The following PAQR8 variants were observed in gnomAD, a reference collection of about 807,000 sequenced individuals.
PAQR8 encodes the protein membrane progestin receptor beta.
A neutral mutation model predicts 25.2 loss-of-function variants in PAQR8; 17 were observed. The observed-to-expected ratio is 0.67, with a 90% CI of 0.46 to 1.01. The LOEUF is 1.01. PAQR8 is among the 50% of genes least tolerant of loss of function. The probability of loss-of-function intolerance (pLI) is 0.00; values close to 1 mark genes in which losing one functional copy is unlikely to be tolerated. For missense variants in PAQR8, 392 were observed against 448.4 expected (o/e 0.87, Z 1.14); for synonymous variants, 204 against 190.6 (o/e 1.07, Z -0.58).
intron 1 of PAQR8, among the ~76,000 whole-genome samples, chr6:52,367,014 G>T (rs777231785): frequency 5.3e-5 from 8 of 152,178 alleles, no homozygotes; most frequent in Non-Finnish European, 8.8e-5. Flanking sequence ...AAAGTGCTGG[G>T]ATTACAGGCG....
chr6:52,370,288 ATGT>A (rs1290473213), intron 1 of PAQR8, among the ~76,000 whole-genome samples: 1 of 152,076 alleles, frequency 6.6e-6, no homozygotes. Context: ...AAGGCAATAG[ATGT>A]TGTTGGGGCA....
At chr6:52,397,793 A>C (rs1180391577) in intron 1 of PAQR8, among the ~76,000 whole-genome samples, 2 of 152,222 alleles carry the variant, frequency 1.3e-5, no homozygotes, top group Non-Finnish European at 2.9e-5. Flanking sequence ...CAGGTTAGGT[A>C]GGAGGGTGTG....
Position 52,405,254 on chromosome 6 carries a change from A to AT in PAQR8, c.*976_*977insT, listed in dbSNP as rs2113954589. ...GTTGGTTCTAAGGATCCCTCTAGGG[A>AT]CCTCATTATTTCAAGAGGAACCCAA... is the stretch of plus-strand genomic sequence containing the variant. On this transcript the variant is annotated 3_prime_UTR_variant, in exon 2 of 2. Coordinates refer to ENST00000442253, the MANE Select transcript of PAQR8 (RefSeq NM_133367.5). 1 of 167,106 alleles carries AT rather than the reference A, an allele frequency of 6.0e-6. No individual in the cohort carries two copies. The highest frequency in any genetic ancestry group is 2.1e-4 in the South Asian group (1 of 4,818). 10.4% of individuals were successfully genotyped at this position (167,106 alleles called of 1,614,324 possible). A position where few individuals can be genotyped will look rare whatever the true frequency, so the allele number is the denominator to read the frequency against.
intron 1 of PAQR8, among the ~76,000 whole-genome samples, chr6:52,364,083 G>GTTTTTGTTTTTTT (rs1763322497): frequency 1.2e-5 from 1 of 84,266 alleles, no homozygotes; most frequent in Non-Finnish European, 2.2e-5. Flanking sequence ...TGAAAGATAT[G>GTTTTTGTTTTTTT]TTTTTTTTTT....
intron 1 of PAQR8, among the ~76,000 whole-genome samples, chr6:52,373,337 A>G (rs1224435352): frequency 6.6e-6 from 1 of 152,234 alleles, no homozygotes. Context: ...ATCCACAATG[A>G]AAAGGACTTA....
At chr6:52,368,392 A>C (rs913635426) in intron 1 of PAQR8, among the ~76,000 whole-genome samples, 7 of 152,198 alleles carry the variant, frequency 4.6e-5, no homozygotes, top group Non-Finnish European at 8.8e-5. Context: ...TTGCGAGTCA[A>C]GGTGAGTAGC....
In PAQR8 at chr6:52,406,281, T is replaced by C. The variant is rs1052369691; in HGVS notation, c.*2003T>C. 3.9e-5 allele frequency: 16 copies of C among 405,246 alleles called. No homozygotes were observed. Among genetic ancestry groups the C allele is most frequent in the Non-Finnish European group, 5.9e-5 (13 of 221,462 alleles). The allele number at this position is 405,246 out of a possible 1,614,324, so 25.1% of individuals were successfully genotyped here. Reference sequence around the variant, plus strand: ...GGATTCAAAGACTTATTTTGAAAGTTGGAAGGAGAAGGGAGGGAAGAGAGC... The same window carrying C: ...GGATTCAAAGACTTATTTTGAAAGTCGGAAGGAGAAGGGAGGGAAGAGAGC... On this transcript the variant is annotated 3_prime_UTR_variant, in exon 2 of 2. Coordinates refer to ENST00000442253, the MANE Select transcript of PAQR8 (RefSeq NM_133367.5).
At chr6:52,365,838 AT>A (rs199759325) in intron 1 of PAQR8, among the ~76,000 whole-genome samples, 5 of 150,190 alleles carry the variant, frequency 3.3e-5, no homozygotes, top group Non-Finnish European at 4.5e-5. Flanking sequence ...TTGAATTCAG[AT>A]TTTTTTTTTA....
Position 52,404,114 on chromosome 6 carries a change from C to G in PAQR8, c.901C>G (p.Leu301Val). The G allele has an allele frequency of 6.2e-7, 1 of 1,614,246 alleles. No individual in the cohort carries two copies. Among genetic ancestry groups the G allele is most frequent in the Non-Finnish European group, 8.5e-7 (1 of 1,180,032 alleles). Residue 301 changes from leucine to valine, a missense_variant, in exon 2 of 2, where the codon CTC (leucine) becomes GTC (valine). Leu to Val is a conservative substitution (Grantham distance 32, BLOSUM62 1). Coordinates refer to ENST00000442253, the MANE Select transcript of PAQR8 (RefSeq NM_133367.5). ...ICTLSQLEAI[L>V]LDYQGRQEIF... Reference sequence around the variant, plus strand: ...TACGCTCTCCCAGCTGGAGGCCATCCTCCTGGACTACCAGGGGCGGCAGGA... The same window carrying G: ...TACGCTCTCCCAGCTGGAGGCCATCGTCCTGGACTACCAGGGGCGGCAGGA...
At chr6:52,363,407 T>C (rs1763313715) in intron 1 of PAQR8, among the ~76,000 whole-genome samples, 2 of 152,204 alleles carry the variant, frequency 1.3e-5, no homozygotes, top group South Asian at 2.1e-4. Context: ...AAATTAGTTA[T>C]GGAGTGAGAT....
At chr6:52,384,036 T>C (rs907330729) in intron 1 of PAQR8, among the ~76,000 whole-genome samples, 16 of 152,170 alleles carry the variant, frequency 1.1e-4, no homozygotes, top group Non-Finnish European at 2.1e-4. Flanking sequence ...GGACAGGTTT[T>C]GCATTTGCTG....
rs114674566 is a variant in PAQR8 at position 52,386,144 on chromosome 6, G to A, written c.-52-17018G>A. ...GAAATGCAAATCAAAACTACAACCAGATACTATCTCACACCAGTCAGAATG... is the reference window on the plus strand; with the variant it reads ...GAAATGCAAATCAAAACTACAACCAAATACTATCTCACACCAGTCAGAATG... On this transcript the variant is annotated intron_variant, in intron 1 of 1. Coordinates refer to ENST00000442253, the MANE Select transcript of PAQR8 (RefSeq NM_133367.5). Among the ~76,000 whole-genome samples the A allele has an allele frequency of 6.6e-3, 998 of 151,926 alleles. 3 individuals carry two copies. Among genetic ancestry groups the A allele is most frequent in the Non-Finnish European group, 9.6e-3 (654 of 67,996 alleles).
intron 1 of PAQR8, among the ~76,000 whole-genome samples, chr6:52,388,139 G>A (rs1763654204): frequency 6.6e-6 from 1 of 152,222 alleles, no homozygotes; most frequent in Admixed American, 6.5e-5. Flanking sequence ...GCCTTGGGAA[G>A]CCAAGGTGGG....
At position 52,365,532 on chromosome 6, in the gene PAQR8, T is replaced by G. The variant is rs1056330879; in HGVS notation, c.-53+3283T>G. 2.0e-5 allele frequency among the ~76,000 whole-genome samples: 3 copies of G among 152,334 alleles called. No homozygotes were observed. In the East Asian group the frequency reaches 5.8e-4, roughly 29 times the overall value. On this transcript the variant is annotated intron_variant, in intron 1 of 1. Coordinates refer to ENST00000442253, the MANE Select transcript of PAQR8 (RefSeq NM_133367.5). Reference sequence around the variant, plus strand: ...CTTGAGTTCGGTGCCGGACACATCATGAGTGCTCAACAGAGTCTACTTATT... The same window carrying G: ...CTTGAGTTCGGTGCCGGACACATCAGGAGTGCTCAACAGAGTCTACTTATT...
intron 1 of PAQR8, among the ~76,000 whole-genome samples, chr6:52,377,928 A>G (rs1763503676): frequency 6.6e-6 from 1 of 152,216 alleles, no homozygotes; most frequent in African/African-American, 2.4e-5. Flanking sequence ...ATACATTGGT[A>G]GAATGATTTC....
At chr6:52,365,507 C>CTT (rs969954021) in intron 1 of PAQR8, among the ~76,000 whole-genome samples, 16 of 152,084 alleles carry the variant, frequency 1.1e-4, no homozygotes, top group African/African-American at 3.9e-4. Context: ...GTGTAGAACA[C>CTT]TTGAGTTCGG....
chr6:52,407,516 A>G lies in PAQR8; in HGVS notation c.*3238A>G, dbSNP rs908408204. The G allele has an allele frequency of 6.0e-6, 1 of 166,976 alleles. No individual in the cohort carries two copies. The highest frequency in any genetic ancestry group is 1.5e-5 in the Non-Finnish European group (1 of 68,108). The allele number at this position is 166,976 out of a possible 1,614,324, so 10.3% of individuals were successfully genotyped here. A position where few individuals can be genotyped will look rare whatever the true frequency, so the allele number is the denominator to read the frequency against. On this transcript the variant is annotated 3_prime_UTR_variant, in exon 2 of 2. Transcript: ENST00000442253. ...GCCTGTGTTGCCCACCTGTTCACAA[A>G]AAGTACCTTTATGCTTGAAAACATT...
chr6:52,368,293 G>A (rs1388466706), intron 1 of PAQR8, among the ~76,000 whole-genome samples: 1 of 152,140 alleles, frequency 6.6e-6, no homozygotes, highest in Non-Finnish European at 1.5e-5. Context: ...GAAACCATTG[G>A]TACTGTGGTT....
At chr6:52,379,138 A>G (rs1314952008) in intron 1 of PAQR8, among the ~76,000 whole-genome samples, 1 of 150,054 alleles carries the variant, frequency 6.7e-6, no homozygotes, top group African/African-American at 2.5e-5. Context: ...GGCACATGCT[A>G]TGACATGGAT....
Sources: gnomAD v4.1 joint callset for allele counts (sites outside exome capture counted in the v4.1 genomes callset) on GRCh38, gnomAD v4.1.1 for gene constraint, MANE v1.5 for transcripts, NCBI Gene and HGNC (gene_info 2026-07-23, HGNC 2026-07-21) for gene names.